CSE1L: variants seen among roughly 807,000 people sequenced by gnomAD.
The protein encoded by CSE1L is chromosome segregation 1 like, also known as exportin-2.
CSE1L carries 24 observed loss-of-function variants against 120.4 expected under a neutral mutation model. The observed-to-expected ratio is 0.20, with a 90% CI of 0.14 to 0.28. CSE1L has a LOEUF of 0.28. Ranked by LOEUF, CSE1L falls within the 10% of genes least tolerant of loss-of-function variation. CSE1L has a pLI of 1.00. For synonymous variants in CSE1L, 402 were observed against 398.3 expected, an observed-to-expected ratio of 1.01 and a Z score of -0.11; for missense variants, 830 against 1,145.2, an observed-to-expected ratio of 0.72 and a Z score of 3.97.
intron 8 of CSE1L, among the ~76,000 whole-genome samples, chr20:49,071,311 G>A (rs977244456): frequency 1.3e-5 from 2 of 152,022 alleles, no homozygotes; most frequent in African/African-American, 4.8e-5. Context: ...CCAATGGGAG[G>A]GAAAAACACT....
chr20:49,090,195 C>T (rs1334700182), intron 19 of CSE1L, among the ~76,000 whole-genome samples: 1 of 152,040 alleles, frequency 6.6e-6, no homozygotes, highest in Non-Finnish European at 1.5e-5. Context: ...TATCAGAATT[C>T]TGTATCCTTT....
At chr20:49,085,166 G>A (rs1485172846) in intron 15 of CSE1L, 117 bp from the exon 16 acceptor site, 2 of 728,892 alleles carry the variant, frequency 2.7e-6, no homozygotes, top group Non-Finnish European at 4.8e-6. Context: ...TCAATTGTCA[G>A]TGGTGGGAGA....
At chr20:49,087,956 A>C in intron 16 of CSE1L, 53 bp from the exon 17 acceptor site, 1 of 1,253,100 alleles carries the variant, frequency 8.0e-7, no homozygotes, top group Non-Finnish European at 1.1e-6. Context: ...TCGCTCTCTT[A>C]TTCTGAAGTT....
chr20:49,046,536 G>A (rs2091711684), intron 1 of CSE1L, 113 bp downstream of exon 1: 1 of 152,454 alleles, frequency 6.6e-6, no homozygotes, highest in African/African-American at 2.4e-5. Flanking sequence ...CGCGCCTCTG[G>A]GCGAGAGCGG....
At chr20:49,091,096 C>T (rs2092097863) in intron 21 of CSE1L, 74 bp downstream of exon 21, 3 of 1,020,650 alleles carry the variant, frequency 2.9e-6, no homozygotes, top group Non-Finnish European at 4.5e-6. Context: ...TTTATGGTTG[C>T]AGATACATTT....
At chr20:49,079,467 A>C (rs2091993837) in intron 14 of CSE1L, among the ~76,000 whole-genome samples, 1 of 140,014 alleles carries the variant, frequency 7.1e-6, no homozygotes. Context: ...ACCTCAGGTG[A>C]TCCACCAGCC....
chr20:49,087,710 C>G (rs2092071044), intron 16 of CSE1L, among the ~76,000 whole-genome samples: 1 of 152,142 alleles, frequency 6.6e-6, no homozygotes, highest in African/African-American at 2.4e-5. Context: ...TCAGACTCAC[C>G]TGCTCCATTC....
Position 49,070,262 on chromosome 20 carries a change from C to G in CSE1L, c.733C>G (p.Leu245Val), listed in dbSNP as rs2091922617. ...AACTTGGATGAATAATTTTCATACT[C>G]TCTTAACATTGGATAATAAGCTTTT... ...METWMNNFHT[L>V]LTLDNKLLQT... The change falls in exon 8 of 25, where the codon CTC becomes GTC. Residue 245 changes from leucine (L) to valine (V), a missense_variant. Leu to Val is a conservative substitution (Grantham distance 32). Around this residue, in one of 4 missense-constraint regions of CSE1L, gnomAD observed 543 missense variants for 640.2 expected, o/e 0.85. Coordinates refer to ENST00000262982, the MANE Select transcript of CSE1L (RefSeq NM_001316.4). The G allele has an allele frequency of 2.0e-6, 3 of 1,463,602 alleles. No homozygotes were observed. Among genetic ancestry groups the G allele is most frequent in the Non-Finnish European group, 2.8e-6 (3 of 1,062,754 alleles). 90.7% of individuals were successfully genotyped at this position (1,463,602 alleles called of 1,614,324 possible).
chr20:49,075,665 C>A lies in CSE1L; in HGVS notation c.1335+145C>A. On this transcript the variant is annotated intron_variant, in intron 12 of 24. Coordinates refer to ENST00000262982, the MANE Select transcript of CSE1L (RefSeq NM_001316.4). ...AGATTTATATAATCTCTGAAGATGG[C>A]TTTATGTTGATGTATTGAGCACTTA... The A allele has an allele frequency of 9.7e-6, 7 of 720,746 alleles. No homozygotes were observed. The Admixed American group carries it at 1.4e-4, about 15-fold the overall frequency. 44.6% of individuals were successfully genotyped at this position (720,746 alleles called of 1,614,324 possible).
intron 7 of CSE1L, 108 bp from the exon 8 acceptor site, chr20:49,070,097 G>C (rs991793027): frequency 1.5e-4 from 84 of 574,924 alleles, no homozygotes; most frequent in Non-Finnish European, 1.1e-4. Context: ...TAATGCTCAG[G>C]CTGTGAAGCC....
At chr20:49,049,714 T>C (rs1246583779) in intron 1 of CSE1L, among the ~76,000 whole-genome samples, 1 of 152,244 alleles carries the variant, frequency 6.6e-6, no homozygotes, top group African/African-American at 2.4e-5. Context: ...TTATAGACTA[T>C]ATCTGCAAGG....
chr20:49,084,069 A>T lies in CSE1L; in HGVS notation c.1526A>T (p.Asn509Ile), dbSNP rs766784595. Reference protein sequence around the residue: ...HLLVSIPLLINHLQAESIVVH... With the variant: ...HLLVSIPLLIIHLQAESIVVH... ...TTAGTCTCGATTCCTCTCTTGATTA[A>T]TCATCTTCAAGCTGAAAGTATTGTT... Residue 509 changes from asparagine (N) to isoleucine (I), a missense_variant, in exon 15 of 25, where the codon AAT (asparagine) becomes ATT (isoleucine). Physicochemically the swap from Asn to Ile is moderately radical, Grantham distance 149. Coordinates refer to ENST00000262982, the MANE Select transcript of CSE1L (RefSeq NM_001316.4). 1.9e-6 allele frequency: 3 copies of T among 1,613,806 alleles called. No homozygotes were observed. In the African/African-American group the frequency reaches 4.0e-5, roughly 22 times the overall value.
chr20:49,050,387 T>TC (rs891653198), intron 1 of CSE1L, among the ~76,000 whole-genome samples: 51 of 94,530 alleles, frequency 5.4e-4, no homozygotes, highest in Non-Finnish European at 9.2e-4. Flanking sequence ...CCCAGCTAAT[T>TC]TTTTTTTTTT....
chr20:49,092,193 G>A (rs2092106840), intron 22 of CSE1L, 66 bp downstream of exon 22: 12 of 824,268 alleles, frequency 1.5e-5, no homozygotes, highest in Non-Finnish European at 2.3e-5. Context: ...GTACAAATCA[G>A]TATCTCTGTC....
intron 14 of CSE1L, among the ~76,000 whole-genome samples, chr20:49,083,516 T>G (rs189271197): frequency 1.3e-5 from 2 of 152,314 alleles, no homozygotes; most frequent in Non-Finnish European, 2.9e-5. Context: ...TGTTCTACCT[T>G]GGCTTCCTGA....
intron 1 of CSE1L, among the ~76,000 whole-genome samples, chr20:49,054,042 A>G (rs949461562): frequency 1.3e-5 from 2 of 152,242 alleles, no homozygotes; most frequent in Non-Finnish European, 2.9e-5. Flanking sequence ...GGCAGGATAT[A>G]ATGTGTAGCA....
rs549528949 is a variant in CSE1L at position 49,082,642 on chromosome 20, C to T, written c.1483-1384C>T. ...TCATGCCATTCTCCTGCCTCAGCCTCGCGATAGCTGGGACTACAGGCTACC... is the reference window on the plus strand; with the variant it reads ...TCATGCCATTCTCCTGCCTCAGCCTTGCGATAGCTGGGACTACAGGCTACC... On this transcript the variant is annotated intron_variant, in intron 14 of 24. Transcript: ENST00000262982. Among the ~76,000 whole-genome samples the T allele has an allele frequency of 5.7e-4, 87 of 152,288 alleles. 1 individual carries two copies. Among genetic ancestry groups the T allele is most frequent in the African/African-American group, 1.8e-3 (73 of 41,582 alleles).
intron 2 of CSE1L, among the ~76,000 whole-genome samples, chr20:49,059,888 A>C (rs764801988): frequency 6.6e-5 from 10 of 151,910 alleles, no homozygotes; most frequent in Non-Finnish European, 1.0e-4. Context: ...CCAAAAAAAA[A>C]AATATTTTGA....
intron 15 of CSE1L, among the ~76,000 whole-genome samples, chr20:49,084,639 C>T (rs1477110025): frequency 6.6e-6 from 1 of 152,118 alleles, no homozygotes; most frequent in African/African-American, 2.4e-5. Context: ...TGAGATATGA[C>T]CTAACCGAAT....
Sources: gnomAD v4.1 joint callset for allele counts (sites outside exome capture counted in the v4.1 genomes callset) on GRCh38, gnomAD v4.1.1 for gene constraint, gnomAD v4.1.1 regional missense constraint, MANE v1.5 for transcripts, NCBI Gene and HGNC (gene_info 2026-07-23, HGNC 2026-07-21) for gene names.